The following CDKAL1 variants were observed in gnomAD, a reference collection of about 807,000 sequenced individuals.
CDKAL1 encodes the protein threonylcarbamoyladenosine tRNA methylthiotransferase.
In CDKAL1, 32 loss-of-function variants were observed where a neutral mutation model predicts 68.2. That is an observed-to-expected ratio of 0.47 (90% confidence interval 0.35 to 0.63). The LOEUF (loss-of-function observed/expected upper bound fraction) is 0.63. CDKAL1 is among the 30% of genes least tolerant of loss of function. CDKAL1 has a pLI of 0.00. For synonymous variants in CDKAL1, 234 were observed against 244.3 expected, an observed-to-expected ratio of 0.96 and a Z score of 0.39; for missense variants, 606 against 696.7, an observed-to-expected ratio of 0.87 and a Z score of 1.47.
At chr6:21,099,638 G>A (rs1773483623) in intron 12 of CDKAL1, among the ~76,000 whole-genome samples, 1 of 152,174 alleles carries the variant, frequency 6.6e-6, no homozygotes, top group African/African-American at 2.4e-5. Flanking sequence ...GCAGAGTGAA[G>A]GTTAGTGATA....
chr6:21,142,297 A>G (rs1775956804), intron 13 of CDKAL1, among the ~76,000 whole-genome samples: 1 of 147,638 alleles, frequency 6.8e-6, no homozygotes, highest in Non-Finnish European at 1.5e-5. Context: ...AATAGTACTT[A>G]GCCAGAGCTG....
intron 5 of CDKAL1, among the ~76,000 whole-genome samples, chr6:20,692,535 T>C (rs1044451303): frequency 1.4e-4 from 22 of 152,154 alleles, no homozygotes; most frequent in African/African-American, 5.3e-4. Context: ...ACAGAGGGGG[T>C]TAATTATTTC....
chr6:20,950,748 C>T (rs1198788365), intron 9 of CDKAL1, among the ~76,000 whole-genome samples: 1 of 151,896 alleles, frequency 6.6e-6, no homozygotes, highest in Non-Finnish European at 1.5e-5. Flanking sequence ...GGCGGATCAC[C>T]TGAGGTCAGC....
intron 9 of CDKAL1, among the ~76,000 whole-genome samples, chr6:20,937,878 T>A (rs2150689454): frequency 6.6e-6 from 1 of 152,020 alleles, no homozygotes; most frequent in African/African-American, 2.4e-5. Context: ...TTTTTTTCAT[T>A]TTAATTAATA....
chr6:21,119,010 T>C (rs1490726701), intron 13 of CDKAL1, among the ~76,000 whole-genome samples: 1 of 152,218 alleles, frequency 6.6e-6, no homozygotes, highest in African/African-American at 2.4e-5. Context: ...TTATTTACTT[T>C]TTAATTCTTA....
intron 8 of CDKAL1, among the ~76,000 whole-genome samples, chr6:20,831,704 A>T (rs778891175): frequency 2.3e-4 from 35 of 152,188 alleles, no homozygotes; most frequent in Non-Finnish European, 4.3e-4. Context: ...TTTATCGCAC[A>T]TCACAATCTG....
chr6:21,157,077 C>T (rs182313119), intron 13 of CDKAL1, among the ~76,000 whole-genome samples: 4 of 152,152 alleles, frequency 2.6e-5, no homozygotes, highest in African/African-American at 4.8e-5. Context: ...GAAAGAGATA[C>T]GCTTTGAACT....
intron 12 of CDKAL1, among the ~76,000 whole-genome samples, chr6:21,083,385 C>T (rs11751563): frequency 0.13 from 20,407 of 151,928 alleles, 1,735 homozygotes; most frequent in Non-Finnish European, 0.18. Flanking sequence ...ACCTGTATAA[C>T]CCTTAGTGAG....
At chr6:20,875,969 AC>A (rs1034591088) in intron 9 of CDKAL1, among the ~76,000 whole-genome samples, 2 of 152,260 alleles carry the variant, frequency 1.3e-5, no homozygotes, top group Non-Finnish European at 2.9e-5. Context: ...AGAATTTTTA[AC>A]AGATAAACAT....
intron 10 of CDKAL1, among the ~76,000 whole-genome samples, chr6:20,984,043 T>C (rs1766302949): frequency 6.6e-6 from 1 of 152,212 alleles, no homozygotes; most frequent in Non-Finnish European, 1.5e-5. Flanking sequence ...TTAATTTCTC[T>C]AAATCTAAGA....
intron 4 of CDKAL1, among the ~76,000 whole-genome samples, chr6:20,609,659 G>A (rs1766529212): frequency 6.6e-6 from 1 of 151,962 alleles, no homozygotes; most frequent in African/African-American, 2.4e-5. Flanking sequence ...GCCTCCCAAA[G>A]TTTATTATTA....
chr6:21,011,584 C>T (rs1003079781), intron 11 of CDKAL1, among the ~76,000 whole-genome samples: 6 of 151,996 alleles, frequency 3.9e-5, no homozygotes, highest in South Asian at 2.1e-4. Flanking sequence ...CTTTTAGGGA[C>T]GGATATTCTT....
intron 12 of CDKAL1, among the ~76,000 whole-genome samples, chr6:21,100,213 CACTGATATCT>C (rs879665542): frequency 1.1e-4 from 16 of 152,256 alleles, no homozygotes; most frequent in Admixed American, 4.6e-4. Flanking sequence ...AAGTATTTCC[CACTGATATCT>C]ACTGTGATTT....
chr6:21,043,287 G>A (rs1031628145), intron 11 of CDKAL1, among the ~76,000 whole-genome samples: 2 of 152,042 alleles, frequency 1.3e-5, no homozygotes, highest in Non-Finnish European at 2.9e-5. Context: ...CCTCAGGACC[G>A]AAGCCCAAAG....
At chr6:20,833,225 C>T (rs1012904215) in intron 8 of CDKAL1, among the ~76,000 whole-genome samples, 10 of 152,152 alleles carry the variant, frequency 6.6e-5, no homozygotes, top group Non-Finnish European at 1.3e-4. Flanking sequence ...TTTTTGTGAG[C>T]TTTACTGACT....
chr6:20,828,169 A>G (rs996238626), intron 8 of CDKAL1, among the ~76,000 whole-genome samples: 25 of 152,228 alleles, frequency 1.6e-4, no homozygotes, highest in African/African-American at 5.5e-4. Context: ...TTAGTTGGCA[A>G]TCATTATAGG....
At chr6:20,734,980 T>G (rs1048605947) in intron 5 of CDKAL1, among the ~76,000 whole-genome samples, 15 of 145,062 alleles carry the variant, frequency 1.0e-4, no homozygotes, top group African/African-American at 3.8e-4. Flanking sequence ...AGCAATTCCC[T>G]GCCTCAGCCT....
chr6:21,049,157 C>A (rs1390219454), intron 11 of CDKAL1, among the ~76,000 whole-genome samples: 1 of 152,100 alleles, frequency 6.6e-6, no homozygotes, highest in Non-Finnish European at 1.5e-5. Flanking sequence ...TGAATATACT[C>A]TGGCCCCTAC....
At chr6:21,034,943 A>G (rs1031935419) in intron 11 of CDKAL1, among the ~76,000 whole-genome samples, 3 of 152,320 alleles carry the variant, frequency 2.0e-5, no homozygotes, top group African/African-American at 7.2e-5. Context: ...AAACTCAATT[A>G]CTTTTGAAAT....
Sources: gnomAD v4.1 joint callset for allele counts (sites outside exome capture counted in the v4.1 genomes callset) on GRCh38, gnomAD v4.1.1 for gene constraint, MANE v1.5 for transcripts, NCBI Gene and HGNC (gene_info 2026-07-23, HGNC 2026-07-21) for gene names.